Variants in ARMC12 observed in about 807,000 individuals in gnomAD.
ARMC12 encodes the protein armadillo repeat-containing protein 12.
ARMC12 carries 25 observed loss-of-function variants against 37.4 expected under a neutral mutation model. The ratio of observed to expected loss-of-function variants is 0.67; its 90% CI spans 0.49 to 0.93. ARMC12 has a LOEUF of 0.93. Ranked by LOEUF, ARMC12 falls within the 40% of genes least tolerant of loss-of-function variation. The pLI, the probability that ARMC12 is intolerant of heterozygous loss-of-function variation, is 0.00. For missense variants in ARMC12, 384 were observed against 426.6 expected, an observed-to-expected ratio of 0.90 and a Z score of 0.88; for synonymous variants, 167 against 176.1, an observed-to-expected ratio of 0.95 and a Z score of 0.41.
At chr6:35,743,509 C>T (rs191566626) in intron 3 of ARMC12, among the ~76,000 whole-genome samples, 217 of 152,254 alleles carry the variant, frequency 1.4e-3, no homozygotes, top group African/African-American at 4.9e-3. Flanking sequence ...TGAGCCACTG[C>T]GTCCTGCCCG....
At chr6:35,737,648 T>G in intron 1 of ARMC12, among the ~76,000 whole-genome samples, 1 of 152,250 alleles carries the variant, frequency 6.6e-6, no homozygotes, top group Admixed American at 6.5e-5. Flanking sequence ...TGCCCAGAGC[T>G]TCCACTAGTC....
chr6:35,744,133 ATTTGTT>A (rs758899217), intron 3 of ARMC12, among the ~76,000 whole-genome samples: 19 of 151,934 alleles, frequency 1.3e-4, no homozygotes, highest in African/African-American at 4.1e-4. Context: ...GGGAGAGTGT[ATTTGTT>A]TTTGTTTTTG....
chr6:35,743,079 G>C lies in ARMC12; in HGVS notation c.445-4182G>C, dbSNP rs891214356. ...CGGGTCGCCACGGCTTTTGAGGGGT[G>C]GGGGAAGGGAAGGGCAGGTACTGAT... On this transcript the variant is annotated intron_variant, in intron 3 of 5. Coordinates refer to ENST00000373866, the MANE Select transcript of ARMC12 (RefSeq NM_001286574.2). 4.6e-5 allele frequency among the ~76,000 whole-genome samples: 7 copies of C among 152,294 alleles called. No individual in the cohort carries two copies. The East Asian group carries it at 1.2e-3, about 25-fold the overall frequency.
intron 1 of ARMC12, 72 bp from the exon 2 acceptor site, chr6:35,737,955 C>T: frequency 6.3e-7 from 1 of 1,598,566 alleles, no homozygotes; most frequent in Non-Finnish European, 8.5e-7. Context: ...AGTCCCTGTC[C>T]CCTACTTCCC....
rs985072562 is a variant in ARMC12 at position 35,739,719 on chromosome 6, C to T, written c.444+1201C>T. On this transcript the variant is annotated intron_variant, in intron 3 of 5. Transcript: ENST00000373866. ...TGGCTTTTAACATTTAACTTAACCA[C>T]GCAGTCAGTACTGAAACAGTTGTTA... Among the ~76,000 whole-genome samples the T allele has an allele frequency of 5.9e-5, 9 of 152,232 alleles. No individual in the cohort carries two copies. The South Asian group carries it at 6.2e-4, about 11-fold the overall frequency.
chr6:35,735,829 ATCT>A, upstream of ARMC12: 1 of 152,342 alleles, frequency 6.6e-6, no homozygotes, highest in Non-Finnish European at 1.5e-5. This position sits in a 1 kb window ranked among gnomAD's most constrained non-coding sequence, Gnocchi z 4.0. Flanking sequence ...GGGTGGTGGC[ATCT>A]TCTGACTCCA....
rs148264570 is a variant in ARMC12 at position 35,738,984 on chromosome 6, T to C, written c.444+466T>C. Among the ~76,000 whole-genome samples the C allele has an allele frequency of 9.8e-3, 1,489 of 152,338 alleles. 8 individuals carry two copies. The highest frequency in any genetic ancestry group is 0.024 in the Middle Eastern group (7 of 294). The stretch of plus-strand genomic sequence containing the variant: ...TCGGGGGTTCCCACAACTCCCTTTT[T>C]AGATCTACTAATTTGCTAGAATGGC... On this transcript the variant is annotated intron_variant, in intron 3 of 5. Transcript: ENST00000373866.
intron 3 of ARMC12, among the ~76,000 whole-genome samples, chr6:35,745,121 C>T (rs1767298228): frequency 6.6e-6 from 1 of 152,152 alleles, no homozygotes; most frequent in East Asian, 1.9e-4. Flanking sequence ...ACTCTTGGGC[C>T]TTTATCCTAG....
At chr6:35,743,216 C>CTTT (rs35053737) in intron 3 of ARMC12, among the ~76,000 whole-genome samples, 2 of 140,046 alleles carry the variant, frequency 1.4e-5, no homozygotes, top group African/African-American at 2.6e-5. Context: ...AAGCATCTTA[C>CTTT]TTTTTTTTTT....
Position 35,742,408 on chromosome 6 carries a change from A to G in ARMC12, c.444+3890A>G, listed in dbSNP as rs146255371. On this transcript the variant is annotated intron_variant, in intron 3 of 5. Coordinates refer to ENST00000373866, the MANE Select transcript of ARMC12 (RefSeq NM_001286574.2). Reference sequence around the variant, plus strand: ...CTATCCGGGAGGCTGAGGCAGGAGAATCACTTGAACCCGGGAGGCAGAGGC... The same window carrying G: ...CTATCCGGGAGGCTGAGGCAGGAGAGTCACTTGAACCCGGGAGGCAGAGGC... Among the ~76,000 whole-genome samples the G allele has an allele frequency of 5.6e-4, 84 of 149,302 alleles. 1 individual carries two copies. In the East Asian group the frequency reaches 0.016, roughly 29 times the overall value.
chr6:35,736,023 AG>A (rs1262809346), upstream of ARMC12: 2 of 152,344 alleles, frequency 1.3e-5, no homozygotes, highest in Admixed American at 1.3e-4. Context: ...TTCTCCTCCA[AG>A]GTCACTCTGG....
chr6:35,737,392 G>A, intron 1 of ARMC12, 121 bp downstream of exon 1: 1 of 1,610,324 alleles, frequency 6.2e-7, no homozygotes, highest in Non-Finnish European at 8.5e-7. Context: ...TCTTTCTCTT[G>A]TCCATCTTCC....
upstream of ARMC12, among the ~76,000 whole-genome samples, chr6:35,736,555 C>A (rs1485496332): frequency 6.6e-6 from 1 of 152,192 alleles, no homozygotes; most frequent in East Asian, 1.9e-4. Context: ...TCTGCCCTCT[C>A]CCCTTTTATT....
upstream of ARMC12, among the ~76,000 whole-genome samples, chr6:35,732,564 G>C (rs1379266323): frequency 1.3e-5 from 2 of 152,156 alleles, no homozygotes; most frequent in South Asian, 4.1e-4. Context: ...GCTTCTATGC[G>C]CACAAGTGCT....
chr6:35,737,048 A>G lies in ARMC12; in HGVS notation c.-61A>G, dbSNP rs996487488. ...GACCCTGCCAGAGTTCTGGTTCCGG[A>G]AGGCCCCCCACAGGTGCCTTGGGCC... On this transcript the variant is annotated 5_prime_UTR_variant, in exon 1 of 6. Coordinates refer to ENST00000373866, the MANE Select transcript of ARMC12 (RefSeq NM_001286574.2). 1.3e-6 allele frequency: 2 copies of G among 1,594,940 alleles called. No homozygotes were observed. Among genetic ancestry groups the G allele is most frequent in the African/African-American group, 2.7e-5 (2 of 74,264 alleles).
chr6:35,737,882 T>C, intron 1 of ARMC12, 145 bp from the exon 2 acceptor site: 1 of 1,063,144 alleles, frequency 9.4e-7, no homozygotes, highest in Non-Finnish European at 1.4e-6. Context: ...CGTTCAACTG[T>C]ACATGGTGGT....
At chr6:35,737,562 G>C (rs1447615728) in intron 1 of ARMC12, among the ~76,000 whole-genome samples, 3 of 152,106 alleles carry the variant, frequency 2.0e-5, no homozygotes, top group Admixed American at 1.3e-4. Flanking sequence ...ACTTGGTGTC[G>C]GCAGCTCCCC....
chr6:35,743,730 C>A (rs1581927293), intron 3 of ARMC12, among the ~76,000 whole-genome samples: 1 of 142,028 alleles, frequency 7.0e-6, no homozygotes, highest in Non-Finnish European at 1.5e-5. Context: ...TGGTAAGTGC[C>A]ATGGAGAAAA....
intron 3 of ARMC12, among the ~76,000 whole-genome samples, chr6:35,742,989 C>A (rs919994602): frequency 3.9e-5 from 6 of 152,158 alleles, no homozygotes; most frequent in African/African-American, 1.4e-4. Context: ...CTCTCACATG[C>A]CCCCTTGCTG....
Sources: allele counts gnomAD v4.1 joint callset (sites outside exome capture counted in the v4.1 genomes callset), GRCh38; gene constraint gnomAD v4.1.1; non-coding constraint Gnocchi (gnomAD v3.1); transcripts MANE v1.5; gene names NCBI Gene and HGNC (gene_info 2026-07-23, HGNC 2026-07-21).